The following PLXNA4 variants were observed in gnomAD, a reference collection of about 807,000 sequenced individuals.
PLXNA4 encodes the protein plexin A4, also known as plexin-A4.
Under a neutral mutation model 191.8 loss-of-function variants are expected in PLXNA4, and 44 were observed. That is an observed-to-expected ratio of 0.23 (90% CI 0.18 to 0.29). PLXNA4 has a LOEUF of 0.29. PLXNA4 is among the 10% of genes least tolerant of loss of function. The pLI is 1.00. For missense variants in PLXNA4, 1,800 were observed against 2,488.8 expected, an observed-to-expected ratio of 0.72 and a Z score of 5.89; for synonymous variants, 1,082 against 1,009.5, an observed-to-expected ratio of 1.07 and a Z score of -1.36.
chr7:132,287,941 A>C (rs1015360631), intron 4 of PLXNA4, among the ~76,000 whole-genome samples: 1 of 152,164 alleles, frequency 6.6e-6, no homozygotes, highest in African/African-American at 2.4e-5. Context: ...CCACCACCCC[A>C]TCCCCAGAGA....
At chr7:132,313,335 C>T (rs1171772737) in intron 3 of PLXNA4, among the ~76,000 whole-genome samples, 1 of 152,082 alleles carries the variant, frequency 6.6e-6, no homozygotes, top group Non-Finnish European at 1.5e-5. Flanking sequence ...TTTTTTGCTA[C>T]AGGAAGTTGC....
At chr7:132,442,971 C>T (rs575930528) in intron 3 of PLXNA4, among the ~76,000 whole-genome samples, 22 of 152,268 alleles carry the variant, frequency 1.4e-4, no homozygotes, top group East Asian at 1.4e-3. Flanking sequence ...CAAATAGAGT[C>T]GGCTCTGCTT....
chr7:132,359,718 A>C (rs553941636), intron 3 of PLXNA4, among the ~76,000 whole-genome samples: 1 of 152,344 alleles, frequency 6.6e-6, no homozygotes, highest in East Asian at 1.9e-4. Flanking sequence ...AGAGATAAAA[A>C]TAGAGATTTG....
intron 3 of PLXNA4, among the ~76,000 whole-genome samples, chr7:132,333,994 A>C (rs973032098): frequency 6.6e-6 from 1 of 152,172 alleles, no homozygotes; most frequent in African/African-American, 2.4e-5. Context: ...CATTTTGTAC[A>C]CATATTTAGC....
At chr7:132,245,799 C>A (rs1262702926) in intron 4 of PLXNA4, among the ~76,000 whole-genome samples, 1 of 152,134 alleles carries the variant, frequency 6.6e-6, no homozygotes, top group Non-Finnish European at 1.5e-5. Context: ...GGATGAACCT[C>A]GAGGACATGA....
chr7:132,528,946 T>C lies in PLXNA4; in HGVS notation c.-86-20167A>G, dbSNP rs201510395. Among the ~76,000 whole-genome samples the C allele has an allele frequency of 2.0e-4, 30 of 152,356 alleles. 1 individual carries two copies. The East Asian group carries it at 4.8e-3, about 24-fold the overall frequency. On this transcript the variant is annotated intron_variant, in intron 1 of 31. Transcript: ENST00000321063. ...TCCCTCAGGCTACAGCTGTGCTCGC[T>C]GATGATACTTTGCTGCCATGAAGAC...
chr7:132,335,917 C>T (rs911211413), intron 3 of PLXNA4, among the ~76,000 whole-genome samples: 2 of 152,200 alleles, frequency 1.3e-5, no homozygotes, highest in Non-Finnish European at 2.9e-5. Flanking sequence ...CCCCAACCAG[C>T]ATGTGCCATT....
intron 3 of PLXNA4, among the ~76,000 whole-genome samples, chr7:132,336,821 T>G (rs1364323395): frequency 6.6e-6 from 1 of 152,278 alleles, no homozygotes; most frequent in Non-Finnish European, 1.5e-5. Flanking sequence ...GTTCCTCTGA[T>G]GCCCTTGACC....
At chr7:132,505,336 C>T (rs771778939) in intron 2 of PLXNA4, among the ~76,000 whole-genome samples, 8 of 152,174 alleles carry the variant, frequency 5.3e-5, no homozygotes, top group South Asian at 4.1e-4. Context: ...AACGGCAGCA[C>T]GAACACTTGC....
At chr7:132,647,492 AAC>A (rs1293020213) in intron 1 of PLXNA4, among the ~76,000 whole-genome samples, 2 of 151,742 alleles carry the variant, frequency 1.3e-5, no homozygotes. Context: ...TATATTCATG[AAC>A]ACACACTTCC....
chr7:132,555,788 G>A (rs931301275), intron 1 of PLXNA4, among the ~76,000 whole-genome samples: 7 of 152,188 alleles, frequency 4.6e-5, no homozygotes, highest in African/African-American at 1.4e-4. Flanking sequence ...ATGGTTAGTC[G>A]ACATCTGAAG....
At chr7:132,582,780 A>G (rs115666779) in intron 2 of PLXNA4, among the ~76,000 whole-genome samples, 8 of 152,320 alleles carry the variant, frequency 5.3e-5, no homozygotes, top group African/African-American at 1.9e-4. Context: ...AAACACAGTG[A>G]TTTGCAGGGA....
chr7:132,155,496 T>C (rs1287547752), intron 25 of PLXNA4, among the ~76,000 whole-genome samples: 1 of 152,228 alleles, frequency 6.6e-6, no homozygotes, highest in Non-Finnish European at 1.5e-5. Context: ...GGCACAGAGC[T>C]GGCCACAGGG....
intron 3 of PLXNA4, among the ~76,000 whole-genome samples, chr7:132,389,860 C>T (rs950021521): frequency 1.3e-5 from 2 of 152,096 alleles, no homozygotes; most frequent in African/African-American, 4.8e-5. Context: ...TTACTTTGGG[C>T]AGTAAGATAC....
chr7:132,296,091 G>C (rs902851855), intron 4 of PLXNA4, among the ~76,000 whole-genome samples: 3 of 152,142 alleles, frequency 2.0e-5, no homozygotes, highest in Non-Finnish European at 4.4e-5. Context: ...GTGGAGACCA[G>C]TGTCGGCCCA....
chr7:132,500,791 T>G (rs1166217390), intron 2 of PLXNA4, among the ~76,000 whole-genome samples: 2 of 152,194 alleles, frequency 1.3e-5, no homozygotes, highest in Non-Finnish European at 2.9e-5. Context: ...CCTTAGGAGC[T>G]TCCGGACTCT....
rs918795877 is a variant in PLXNA4 at position 132,211,110 on chromosome 7, G to A, written c.2131C>T (p.Leu711=). Reference sequence around the variant, plus strand: ...GGCTTGATCACCTCCACGGGCACCAGGATCTTGTCCACTCGCAGCAGCTGG... The same window carrying A: ...GGCTTGATCACCTCCACGGGCACCAAGATCTTGTCCACTCGCAGCAGCTGG... ...CPQLLRVDKI[L]VPVEVIKPIT... The change falls in exon 10 of 32, where the codon CTG becomes TTG. Residue 711 remains leucine (L), a synonymous_variant. Transcript: ENST00000321063. 1.3e-6 allele frequency: 2 copies of A among 1,574,376 alleles called. No individual in the cohort carries two copies. Among genetic ancestry groups the A allele is most frequent in the African/African-American group, 2.7e-5 (2 of 74,046 alleles).
intron 3 of PLXNA4, among the ~76,000 whole-genome samples, chr7:132,481,772 G>C (rs1797347068): frequency 6.6e-6 from 1 of 152,160 alleles, no homozygotes; most frequent in Non-Finnish European, 1.5e-5. Context: ...CAAAATCTAA[G>C]CATCTCTTGT....
chr7:132,384,780 AC>A, intron 3 of PLXNA4: 1 of 1,125,626 alleles, frequency 8.9e-7, no homozygotes, highest in Non-Finnish European at 1.1e-6. Context: ...ACACACACAC[AC>A]ACACACACAC....
Sources: gnomAD v4.1 joint callset for allele counts (sites outside exome capture counted in the v4.1 genomes callset) on GRCh38, gnomAD v4.1.1 for gene constraint, MANE v1.5 for transcripts, NCBI Gene and HGNC (gene_info 2026-07-23, HGNC 2026-07-21) for gene names.